MME: variants seen among roughly 807,000 people sequenced by gnomAD.
The protein encoded by MME is neprilysin.
In MME, 98 loss-of-function variants were observed where a neutral mutation model predicts 113.2. The observed-to-expected ratio is 0.87, with a 90% confidence interval of 0.74 to 1.02. The LOEUF is 1.02. Among genes scored for constraint, MME ranks in the 50% least tolerant of loss-of-function variants. MME has a pLI of 0.00. For missense variants in MME, 836 were observed against 896.0 expected, an observed-to-expected ratio of 0.93 and a Z score of 0.86; for synonymous variants, 292 against 300.6, an observed-to-expected ratio of 0.97 and a Z score of 0.30.
At chr3:155,094,914 C>A (rs1576718620) in intron 3 of MME, among the ~76,000 whole-genome samples, 3 of 152,272 alleles carry the variant, frequency 2.0e-5, no homozygotes, top group Admixed American at 2.0e-4. Flanking sequence ...ATGCGTGGTC[C>A]ATGGACCAAC....
At chr3:155,099,689 G>GGTTTCCA (rs1717036911) in intron 3 of MME, among the ~76,000 whole-genome samples, 1 of 152,132 alleles carries the variant, frequency 6.6e-6, no homozygotes, top group South Asian at 2.1e-4. Context: ...CGAGAATGAT[G>GGTTTCCA]GTTTCCAGCT....
At chr3:155,079,694 T>A (rs1318604573), upstream of MME, 1 of 151,018 alleles carries the variant, frequency 6.6e-6, no homozygotes, top group African/African-American at 2.5e-5. Flanking sequence ...GTGGCGAAGC[T>A]TGACCGAGAG....
chr3:155,141,665 CA>C (rs1279367094), intron 10 of MME, among the ~76,000 whole-genome samples: 4 of 151,740 alleles, frequency 2.6e-5, no homozygotes, highest in East Asian at 3.9e-4. Flanking sequence ...TTGCATAAAC[CA>C]AAAAAGCTTT....
At chr3:155,061,727 T>C (rs1559896140) in intron 1 of MME, among the ~76,000 whole-genome samples, 1 of 150,536 alleles carries the variant, frequency 6.6e-6, no homozygotes. Flanking sequence ...AGTGGCACAG[T>C]CTTGGCTCAC....
At chr3:155,109,923 G>A (rs1718043741) in intron 3 of MME, among the ~76,000 whole-genome samples, 1 of 152,206 alleles carries the variant, frequency 6.6e-6, no homozygotes, top group Non-Finnish European at 1.5e-5. Context: ...CCCTGCATGG[G>A]CCTTTGAGTG....
rs560141346 is a variant in MME, at chr3:155,045,440, G to A, written c.-11+21116G>A. On this transcript the variant is annotated intron_variant, in intron 1 of 22. Transcript: ENST00000492661. ...TGGGATTACAGGTGTGAGCCACCAC[G>A]CCTGGCCTATAAAAATACTTTTAAG... Among the ~76,000 whole-genome samples the A allele has an allele frequency of 5.9e-5, 9 of 151,824 alleles. No individual in the cohort carries two copies. In the South Asian group the frequency reaches 1.0e-3, roughly 18 times the overall value.
intron 8 of MME, among the ~76,000 whole-genome samples, chr3:155,131,432 A>G (rs1003435372): frequency 6.6e-6 from 1 of 152,282 alleles, no homozygotes; most frequent in East Asian, 1.9e-4. Context: ...CTTTCTGGGT[A>G]CCAAGTGACT....
At position 155,182,965 on chromosome 3, in the gene MME, T is replaced by C. The variant is rs868644862; in HGVS notation, c.*2506T>C. On this transcript the variant is annotated 3_prime_UTR_variant, in exon 23 of 23. Coordinates refer to ENST00000360490, the MANE Select transcript of MME (RefSeq NM_007289.4). Reference sequence around the variant, plus strand: ...TGGAGTTGTCACATCAGATAAGACATATCTCTAATTCCATCCATAAATCCA... The same window carrying C: ...TGGAGTTGTCACATCAGATAAGACACATCTCTAATTCCATCCATAAATCCA... 1 of 152,192 alleles carries C rather than the reference T, an allele frequency of 6.6e-6. No homozygotes were observed. The highest frequency in any genetic ancestry group is 2.4e-5 in the African/African-American group (1 of 41,452). 9.4% of individuals were successfully genotyped at this position (152,192 alleles called of 1,614,324 possible). A position where few individuals can be genotyped will look rare whatever the true frequency, so the allele number is the denominator to read the frequency against.
In MME at chr3:155,084,995, A is replaced by T. The variant is rs539369750; in HGVS notation, c.161-64A>T. The T allele has an allele frequency of 3.8e-4, 449 of 1,189,426 alleles. 5 individuals carry two copies. The East Asian group carries it at 0.011, about 29-fold the overall frequency. 73.7% of individuals were successfully genotyped at this position (1,189,426 alleles called of 1,614,324 possible). On this transcript the variant is annotated intron_variant, in intron 2 of 22. Transcript: ENST00000360490. ...TAATTGGCAGTTTTTAAAAGAACAAAAGAAAAATAGAAATTTAAAAATTTG... is the reference window on the plus strand; with the variant it reads ...TAATTGGCAGTTTTTAAAAGAACAATAGAAAAATAGAAATTTAAAAATTTG...
intron 16 of MME, among the ~76,000 whole-genome samples, chr3:155,149,558 G>A (rs1576646190): frequency 6.6e-6 from 1 of 151,994 alleles, no homozygotes; most frequent in Non-Finnish European, 1.5e-5. Context: ...CGAAGTCCAG[G>A]TGTCATTGGG....
At chr3:155,168,990 C>T (rs1711614194) in intron 20 of MME, 193 bp downstream of exon 20, 1 of 559,864 alleles carries the variant, frequency 1.8e-6, no homozygotes, top group Admixed American at 3.1e-5. Context: ...TGTGACGGAG[C>T]TGAACACTTA....
intron 8 of MME, among the ~76,000 whole-genome samples, chr3:155,128,398 A>C (rs1719857187): frequency 1.3e-5 from 2 of 152,218 alleles, no homozygotes; most frequent in South Asian, 4.1e-4. Flanking sequence ...GAAAGATGTC[A>C]ACCACCTTAA....
At chr3:155,112,499 G>A (rs12493021) in intron 3 of MME, 55,937 of 151,944 alleles carry the variant, frequency 0.37, 10,864 homozygotes, top group South Asian at 0.55. Flanking sequence ...AATGTGCTAT[G>A]GAATCTGGAT....
intron 8 of MME, among the ~76,000 whole-genome samples, chr3:155,135,779 T>G (rs756362391): frequency 6.6e-6 from 1 of 152,166 alleles, no homozygotes; most frequent in Non-Finnish European, 1.5e-5. Context: ...TGAAATATTT[T>G]TGTTTGTTTG....
intron 3 of MME, among the ~76,000 whole-genome samples, chr3:155,091,881 C>T (rs1051170906): frequency 2.0e-5 from 3 of 152,148 alleles, no homozygotes; most frequent in African/African-American, 7.2e-5. Flanking sequence ...TCTGAACCAG[C>T]TGAAAACTAG....
chr3:155,029,773 C>T lies in MME; in HGVS notation c.-11+5449C>T, dbSNP rs75890894. On this transcript the variant is annotated intron_variant, in intron 1 of 22. Transcript: ENST00000492661. ...CCAAAGAATACTAAAATCATGTGAA[C>T]GAAAAGGCATTTGAGTTAGTTTCTA... Among the ~76,000 whole-genome samples, 748 of 152,040 alleles carry T rather than the reference C, an allele frequency of 4.9e-3. 9 individuals are homozygous for T. Among genetic ancestry groups the T allele is most frequent in the South Asian group, 0.044 (214 of 4,820 alleles).
At chr3:155,170,857 G>A (rs1711856261) in intron 20 of MME, among the ~76,000 whole-genome samples, 1 of 152,146 alleles carries the variant, frequency 6.6e-6, no homozygotes, top group African/African-American at 2.4e-5. Flanking sequence ...AAGCTCAGCA[G>A]TCATGGGACT....
chr3:155,119,103 T>G (rs994189767), intron 8 of MME, among the ~76,000 whole-genome samples: 3 of 152,218 alleles, frequency 2.0e-5, no homozygotes, highest in Non-Finnish European at 2.9e-5. Flanking sequence ...AATATTTTAA[T>G]CCACCTGTAA....
intron 3 of MME, among the ~76,000 whole-genome samples, chr3:155,100,598 C>T (rs994994798): frequency 3.3e-5 from 5 of 152,168 alleles, no homozygotes; most frequent in African/African-American, 1.2e-4. Context: ...ATGAATTACT[C>T]AAAGCACTGT....
Sources: gnomAD v4.1 joint callset for allele counts (sites outside exome capture counted in the v4.1 genomes callset) on GRCh38, gnomAD v4.1.1 for gene constraint, MANE v1.5 for transcripts, NCBI Gene and HGNC (gene_info 2026-07-23, HGNC 2026-07-21) for gene names.